Variants in PDE12 observed in about 807,000 individuals in gnomAD.
The protein encoded by PDE12 is 2',5'-phosphodiesterase 12.
Under a neutral mutation model 45.4 loss-of-function variants are expected in PDE12, and 26 were observed. That is an observed-to-expected ratio of 0.57 (90% CI 0.42 to 0.79). The LOEUF (loss-of-function observed/expected upper bound fraction) is 0.79, where lower values mean the gene tolerates loss of function less well. Ranked by LOEUF, PDE12 falls within the 30% of genes least tolerant of loss-of-function variation. The probability of loss-of-function intolerance (pLI) is 0.00; values close to 1 mark genes in which losing one functional copy is unlikely to be tolerated. For missense variants in PDE12, 668 were observed against 790.0 expected, an observed-to-expected ratio of 0.85 and a Z score of 1.85; for synonymous variants, 283 against 323.9, an observed-to-expected ratio of 0.87 and a Z score of 1.36.
chr3:57,632,548 T>G, the PDE12 span, among the ~76,000 whole-genome samples: 1 of 152,172 alleles, frequency 6.6e-6, no homozygotes, highest in Non-Finnish European at 1.5e-5. Flanking sequence ...ATAAATAACT[T>G]GACACCCAAA....
At chr3:57,637,856 C>G in the PDE12 span, among the ~76,000 whole-genome samples, 10 of 151,432 alleles carry the variant, frequency 6.6e-5, no homozygotes, top group African/African-American at 2.4e-4. Flanking sequence ...TGTGCACAGG[C>G]CGGGCACAGT....
At chr3:57,635,760 A>C in the PDE12 span, among the ~76,000 whole-genome samples, 1 of 152,200 alleles carries the variant, frequency 6.6e-6, no homozygotes, top group Non-Finnish European at 1.5e-5. Flanking sequence ...CTATTTCTAT[A>C]AACTTTTTAC....
chr3:57,639,504 G>A, the PDE12 span, among the ~76,000 whole-genome samples: 5 of 152,190 alleles, frequency 3.3e-5, no homozygotes, highest in Admixed American at 1.3e-4. Context: ...TAAATTAGTA[G>A]GCCCAAACCA....
At chr3:57,618,627 T>TTTG in the PDE12 span, among the ~76,000 whole-genome samples, 15,700 of 136,220 alleles carry the variant, frequency 0.12, 1,117 homozygotes, top group East Asian at 0.36. Context: ...TTTTTTTTTT[T>TTTG]GAGATGGAGT....
At chr3:57,600,442 C>G in the PDE12 span, among the ~76,000 whole-genome samples, 2 of 148,848 alleles carry the variant, frequency 1.3e-5, no homozygotes, top group Admixed American at 6.7e-5. Flanking sequence ...CCCCTCCCTT[C>G]CCCCTTCTGT....
chr3:57,643,610 T>C, the PDE12 span, among the ~76,000 whole-genome samples: 2 of 151,724 alleles, frequency 1.3e-5, no homozygotes, highest in Non-Finnish European at 2.9e-5. Context: ...GGTGGATCAC[T>C]TGAGGTCAGG....
the PDE12 span, chr3:57,597,191 C>T: frequency 1.5e-5 from 23 of 1,546,570 alleles, no homozygotes; most frequent in Middle Eastern, 1.5e-3. Context: ...TTGGGGCGAC[C>T]CCGTGCTTTC....
the PDE12 span, among the ~76,000 whole-genome samples, chr3:57,632,459 G>T: frequency 2.0e-5 from 3 of 152,106 alleles, no homozygotes; most frequent in East Asian, 3.9e-4. Context: ...TGGCAGGCCT[G>T]AGCCACTGTG....
Position 57,559,644 on chromosome 3 carries a change from A to G in PDE12, c.1470A>G (p.Pro490=). The G allele has an allele frequency of 1.2e-6, 2 of 1,614,194 alleles. No homozygotes were observed. Among genetic ancestry groups the G allele is most frequent in the Non-Finnish European group, 1.7e-6 (2 of 1,180,020 alleles). The change falls in exon 3 of 3, where the codon CCA becomes CCG. Residue 490 remains proline (P), a synonymous_variant. Transcript: ENST00000311180. ...CATGTGATCTGTATCCTGGCATACCAGTTATATTTTGTGGGGACTTTAATA... is the reference window on the plus strand; with the variant it reads ...CATGTGATCTGTATCCTGGCATACCGGTTATATTTTGTGGGGACTTTAATA... ...HVSCDLYPGI[P]VIFCGDFNST...
the PDE12 span, among the ~76,000 whole-genome samples, chr3:57,578,850 G>C: frequency 6.7e-6 from 1 of 150,090 alleles, no homozygotes; most frequent in Non-Finnish European, 1.5e-5. Context: ...GTTTTTCTAA[G>C]AACTTTCAAA....
At chr3:57,653,466 C>A in the PDE12 span, among the ~76,000 whole-genome samples, 3 of 151,996 alleles carry the variant, frequency 2.0e-5, no homozygotes, top group Admixed American at 6.6e-5. Context: ...TAGTAGTAGG[C>A]CGGGCGCGGT....
chr3:57,583,369 G>A, the PDE12 span, among the ~76,000 whole-genome samples: 17 of 151,954 alleles, frequency 1.1e-4, no homozygotes, highest in African/African-American at 3.9e-4. Context: ...TGATTCTTAC[G>A]TGCCACCCCC....
the PDE12 span, among the ~76,000 whole-genome samples, chr3:57,637,545 T>C: frequency 1.3e-5 from 2 of 152,078 alleles, no homozygotes; most frequent in African/African-American, 2.4e-5. Context: ...TTTTTTTTCC[T>C]TGTAGAACTC....
At chr3:57,619,563 A>G in the PDE12 span, 2 of 152,240 alleles carry the variant, frequency 1.3e-5, no homozygotes, top group Non-Finnish European at 2.9e-5. Context: ...GCATCTAACC[A>G]TCGTTACTTT....
chr3:57,586,228 T>C, the PDE12 span, among the ~76,000 whole-genome samples: 1 of 152,202 alleles, frequency 6.6e-6, no homozygotes, highest in Non-Finnish European at 1.5e-5. Context: ...CCGCCTGGGT[T>C]TATCTTATCA....
the PDE12 span, among the ~76,000 whole-genome samples, chr3:57,616,956 G>T: frequency 6.6e-6 from 1 of 152,100 alleles, no homozygotes; most frequent in East Asian, 1.9e-4. Flanking sequence ...CCCGGGAAGC[G>T]GAGGTTGCAG....
At chr3:57,598,271 T>C in the PDE12 span, 28 of 152,312 alleles carry the variant, frequency 1.8e-4, no homozygotes, top group African/African-American at 6.7e-4. Flanking sequence ...TAATCTATTT[T>C]TCTAGTAGTG....
the PDE12 span, among the ~76,000 whole-genome samples, chr3:57,649,462 T>A: frequency 6.7e-6 from 1 of 148,828 alleles, no homozygotes; most frequent in Non-Finnish European, 1.5e-5. Context: ...CTTAAAGAAC[T>A]AAAAGTAGAT....
chr3:57,650,305 T>TA, the PDE12 span, among the ~76,000 whole-genome samples: 95 of 139,106 alleles, frequency 6.8e-4, no homozygotes, highest in Middle Eastern at 3.7e-3. Flanking sequence ...ACAAAAAACC[T>TA]AAAAAAAAAA....
Sources: allele counts gnomAD v4.1 joint callset (sites outside exome capture counted in the v4.1 genomes callset), GRCh38; gene constraint gnomAD v4.1.1; transcripts MANE v1.5; gene names NCBI Gene and HGNC (gene_info 2026-07-23, HGNC 2026-07-21).